TENM1: variants seen among roughly 807,000 people sequenced by gnomAD.
TENM1 encodes teneurin-1.
Under a neutral mutation model 174.8 loss-of-function variants are expected in TENM1, and 35 were observed. The ratio of observed to expected loss-of-function variants is 0.20; its 90% CI spans 0.15 to 0.27. The LOEUF is 0.27. Ranked by LOEUF, TENM1 falls within the 10% of genes least tolerant of loss-of-function variation. TENM1 has a pLI of 1.00. For missense variants in TENM1, 1,633 were observed against 2,130.1 expected (o/e 0.77, Z 4.59); for synonymous variants, 781 against 798.7 (o/e 0.98, Z 0.37).
chrX:124,770,632 C>T (rs2148621288), intron 3 of TENM1, among the ~76,000 whole-genome samples: 1 of 110,330 alleles, frequency 9.1e-6, no homozygotes, highest in South Asian at 3.8e-4. Flanking sequence ...TGGTCTCAAA[C>T]TCCTAGGCTC....
At chrX:124,907,798 T>C (rs1470144706) in intron 1 of TENM1, among the ~76,000 whole-genome samples, 1 of 112,260 alleles carries the variant, frequency 8.9e-6, no homozygotes, top group African/African-American at 3.2e-5. Context: ...AGTAGTCATA[T>C]ACTCTTATAA....
At chrX:124,683,640 A>T (rs1332403379) in intron 5 of TENM1, among the ~76,000 whole-genome samples, 1 of 112,161 alleles carries the variant, frequency 8.9e-6, no homozygotes, top group Non-Finnish European at 1.9e-5. Flanking sequence ...GGTCACATGT[A>T]GCTGAAGTAA....
chrX:124,710,929 G>A (rs2053033451), intron 4 of TENM1, among the ~76,000 whole-genome samples: 1 of 112,203 alleles, frequency 8.9e-6, no homozygotes, highest in Non-Finnish European at 1.9e-5. Context: ...GGAGCAGAAA[G>A]ACAAATGCTC....
the TENM1 span, among the ~76,000 whole-genome samples, chrX:125,173,551 G>T: frequency 9.0e-6 from 1 of 111,095 alleles, no homozygotes; most frequent in African/African-American, 3.3e-5. Context: ...GGAGCTTATT[G>T]TCTCACCCTC....
chrX:124,487,685 G>C (rs570237087), intron 20 of TENM1, among the ~76,000 whole-genome samples: 1 of 111,561 alleles, frequency 9.0e-6, no homozygotes, highest in Admixed American at 9.5e-5. Flanking sequence ...GGTTGAAGAA[G>C]CAGCCACGGC....
chrX:124,497,113 A>G (rs2047218921), exon 20 of TENM1: 1 of 1,210,264 alleles, frequency 8.3e-7, no homozygotes, highest in Non-Finnish European at 1.1e-6. Flanking sequence ...CCAGAAGCTA[A>G]GGCGACAGGA....
intron 3 of TENM1, among the ~76,000 whole-genome samples, chrX:124,876,977 T>C (rs2057214765): frequency 1.8e-5 from 2 of 112,387 alleles, no homozygotes; most frequent in Admixed American, 1.9e-4. Context: ...GAATTGGTTC[T>C]TGAATTTATT....
intron 23 of TENM1, among the ~76,000 whole-genome samples, chrX:124,437,199 G>A (rs1008037280): frequency 1.1e-5 from 1 of 92,364 alleles, no homozygotes. Context: ...TGATCTGCCC[G>A]CCTTGGCCTC....
At chrX:124,549,061 G>A (rs779786871) in intron 14 of TENM1, among the ~76,000 whole-genome samples, 1 of 111,623 alleles carries the variant, frequency 9.0e-6, no homozygotes, top group Non-Finnish European at 1.9e-5. Flanking sequence ...TCAATAAGAA[G>A]TTTCTTTCTG....
intron 16 of TENM1, among the ~76,000 whole-genome samples, chrX:124,529,171 A>G (rs2048049285): frequency 8.9e-6 from 1 of 111,959 alleles, no homozygotes; most frequent in Admixed American, 9.5e-5. Context: ...ATAAATAGGT[A>G]CCTTTAAGCT....
the TENM1 span, among the ~76,000 whole-genome samples, chrX:125,047,010 G>A: frequency 9.1e-6 from 1 of 110,411 alleles, no homozygotes; most frequent in Non-Finnish European, 1.9e-5. Flanking sequence ...TTTAAAAGCA[G>A]TGATAGATTT....
Position 124,565,348 on chromosome X carries a change from C to A in TENM1, c.2263+27G>T, listed in dbSNP as rs761763454. On this transcript the variant is annotated intron_variant, in intron 12 of 31. Coordinates refer to ENST00000422452, the Ensembl canonical transcript of TENM1. ...TCTTAACTTCAACTAATCCAACTTA[C>A]TTTGGTTAAAGTATGGTGGTACTTA... 1.3e-5 allele frequency: 15 copies of A among 1,126,995 alleles called. No individual in the cohort carries two copies. In the South Asian group the frequency reaches 3.3e-4, roughly 25 times the overall value. 92.9% of individuals were successfully genotyped at this position (1,126,995 alleles called of 1,213,427 possible).
At chrX:124,443,033 C>A (rs1294088271) in intron 23 of TENM1, among the ~76,000 whole-genome samples, 2 of 68,860 alleles carry the variant, frequency 2.9e-5, no homozygotes, top group East Asian at 7.6e-4. Context: ...ACTTTTCATG[C>A]CTGGATGACT....
intron 25 of TENM1, among the ~76,000 whole-genome samples, chrX:124,409,580 A>G (rs2060506914): frequency 9.0e-6 from 1 of 111,014 alleles, no homozygotes; most frequent in Non-Finnish European, 1.9e-5. Flanking sequence ...GAGGAAGTCA[A>G]ATTGTCCCTG....
intron 3 of TENM1, among the ~76,000 whole-genome samples, chrX:124,890,809 T>A (rs769618464): frequency 9.0e-6 from 1 of 111,127 alleles, no homozygotes; most frequent in Non-Finnish European, 1.9e-5. Flanking sequence ...TACCATATGC[T>A]CTAGCAATCC....
intron 1 of TENM1, among the ~76,000 whole-genome samples, chrX:124,954,239 C>G (rs922005504): frequency 7.2e-5 from 8 of 111,354 alleles, no homozygotes; most frequent in African/African-American, 2.6e-4. Context: ...TGGACTGTCA[C>G]TGACTGTGGT....
chrX:124,452,237 G>A (rs1372729982), intron 23 of TENM1, among the ~76,000 whole-genome samples: 1 of 112,328 alleles, frequency 8.9e-6, no homozygotes, highest in African/African-American at 3.2e-5. Flanking sequence ...TCTCAAAAGA[G>A]GACATTTATG....
chrX:124,924,971 C>T (rs2058072612), intron 1 of TENM1, among the ~76,000 whole-genome samples: 1 of 110,306 alleles, frequency 9.1e-6, no homozygotes, highest in Non-Finnish European at 1.9e-5. Context: ...AGGGCAACCA[C>T]AAGAACAGAT....
chrX:124,665,383 C>G (rs1180296245), intron 6 of TENM1, among the ~76,000 whole-genome samples: 2 of 111,818 alleles, frequency 1.8e-5, no homozygotes, highest in African/African-American at 3.3e-5. Context: ...CAGAATAAAA[C>G]TATTATGTGG....
Sources: gnomAD v4.1 joint callset for allele counts (sites outside exome capture counted in the v4.1 genomes callset) on GRCh38, gnomAD v4.1.1 for gene constraint, MANE v1.5 for transcripts, NCBI Gene and HGNC (gene_info 2026-07-23, HGNC 2026-07-21) for gene names.